The following DYNC1I1 variants were observed in gnomAD, a reference collection of about 807,000 sequenced individuals.
The protein encoded by DYNC1I1 is dynein cytoplasmic 1 intermediate chain 1, also known as cytoplasmic dynein 1 intermediate chain 1.
In DYNC1I1, 43 loss-of-function variants were observed where a neutral mutation model predicts 86.6. The observed-to-expected ratio is 0.50, with a 90% CI of 0.39 to 0.64. DYNC1I1 has a LOEUF of 0.64. Among genes scored for constraint, DYNC1I1 ranks in the 30% least tolerant of loss-of-function variants. The pLI is 0.00. For missense variants in DYNC1I1, 604 were observed against 788.8 expected, an observed-to-expected ratio of 0.77 and a Z score of 2.81; for synonymous variants, 262 against 283.7, an observed-to-expected ratio of 0.92 and a Z score of 0.77.
At chr7:96,058,634 T>G (rs993193030) in intron 14 of DYNC1I1, among the ~76,000 whole-genome samples, 7 of 151,952 alleles carry the variant, frequency 4.6e-5, no homozygotes, top group Admixed American at 6.6e-5. Context: ...GAAACAAATA[T>G]AGTTAATTAT....
chr7:95,917,244 C>A (rs530599933), intron 6 of DYNC1I1, among the ~76,000 whole-genome samples: 4 of 152,078 alleles, frequency 2.6e-5, no homozygotes, highest in Non-Finnish European at 5.9e-5. Flanking sequence ...TCCGTGGCTT[C>A]GGTAGCGAGA....
At chr7:96,077,081 A>C (rs1394262426) in intron 15 of DYNC1I1, among the ~76,000 whole-genome samples, 1 of 152,178 alleles carries the variant, frequency 6.6e-6, no homozygotes, top group Non-Finnish European at 1.5e-5. Context: ...TCTATAAATA[A>C]GAATGGACAG....
intron 10 of DYNC1I1, among the ~76,000 whole-genome samples, chr7:96,000,670 T>C (rs1347488941): frequency 6.6e-6 from 1 of 152,206 alleles, no homozygotes; most frequent in Non-Finnish European, 1.5e-5. Context: ...TCATTTTGCT[T>C]TGCCCAGGAA....
At chr7:95,901,553 C>T (rs1222996936) in intron 6 of DYNC1I1, among the ~76,000 whole-genome samples, 2 of 152,192 alleles carry the variant, frequency 1.3e-5, no homozygotes, top group African/African-American at 4.8e-5. Flanking sequence ...ACTTATCCCC[C>T]TCCTCTCCAA....
At chr7:95,993,775 A>C (rs956858665) in intron 9 of DYNC1I1, among the ~76,000 whole-genome samples, 32 of 152,204 alleles carry the variant, frequency 2.1e-4, no homozygotes, top group Non-Finnish European at 7.3e-5. Flanking sequence ...TATTTTTAAT[A>C]GAAAAAAAAG....
At chr7:96,025,824 A>C (rs1460681741) in intron 10 of DYNC1I1, among the ~76,000 whole-genome samples, 1 of 139,164 alleles carries the variant, frequency 7.2e-6, no homozygotes, top group African/African-American at 2.8e-5. Context: ...TAGTCTCAAC[A>C]AACAGTACAA....
intron 15 of DYNC1I1, among the ~76,000 whole-genome samples, chr7:96,079,246 T>C (rs184308034): frequency 6.6e-6 from 1 of 152,294 alleles, no homozygotes; most frequent in East Asian, 1.9e-4. Context: ...ACAGTACATG[T>C]TGTGTTTCCA....
chr7:95,826,379 A>C (rs1465272395), intron 4 of DYNC1I1, among the ~76,000 whole-genome samples: 1 of 152,216 alleles, frequency 6.6e-6, no homozygotes, highest in Non-Finnish European at 1.5e-5. Flanking sequence ...AGAAACATTA[A>C]GAGTAGATAG....
intron 6 of DYNC1I1, among the ~76,000 whole-genome samples, chr7:95,881,571 T>C (rs908554182): frequency 2.0e-5 from 3 of 152,234 alleles, no homozygotes; most frequent in African/African-American, 7.2e-5. Flanking sequence ...AAATGATCTC[T>C]TTCAATAGCT....
chr7:95,869,816 T>C lies in DYNC1I1; in HGVS notation c.375-67T>C. The C allele has an allele frequency of 2.1e-6, 3 of 1,454,560 alleles. No individual in the cohort carries two copies. The South Asian group carries it at 3.6e-5, about 18-fold the overall frequency. 90.1% of individuals were successfully genotyped at this position (1,454,560 alleles called of 1,614,324 possible). On this transcript the variant is annotated intron_variant, in intron 5 of 16. Transcript: ENST00000447467. ...GTTTGTTTGTTTTAGTGCTTTCTTT[T>C]ATTACTGATAGCTCTTCTGCAAGGA...
At chr7:95,898,135 C>T (rs890812480) in intron 6 of DYNC1I1, among the ~76,000 whole-genome samples, 1 of 150,616 alleles carries the variant, frequency 6.6e-6, no homozygotes, top group South Asian at 2.1e-4. Flanking sequence ...TAGATGGCCA[C>T]GCACGGCACA....
intron 6 of DYNC1I1, among the ~76,000 whole-genome samples, chr7:95,951,456 A>T (rs994420690): frequency 6.6e-6 from 1 of 152,076 alleles, no homozygotes; most frequent in African/African-American, 2.4e-5. Flanking sequence ...TAGCTTTTGA[A>T]TGTTTTTTGG....
rs80053734 is a variant in DYNC1I1, at chr7:96,013,245, G to A, written c.970-14930G>A. On this transcript the variant is annotated intron_variant, in intron 10 of 16. Transcript: ENST00000447467. ...AGAGAGACTTGACCAACCCTTGCTGGCTTTGAGGGTGAAAGGTGGCATGAT... is the reference window on the plus strand; with the variant it reads ...AGAGAGACTTGACCAACCCTTGCTGACTTTGAGGGTGAAAGGTGGCATGAT... Among the ~76,000 whole-genome samples the A allele has an allele frequency of 3.8e-4, 58 of 152,228 alleles. No individual in the cohort carries two copies. In the East Asian group the frequency reaches 0.011, roughly 28 times the overall value.
At chr7:95,811,410 A>G (rs1199846676) in intron 3 of DYNC1I1, among the ~76,000 whole-genome samples, 1 of 152,058 alleles carries the variant, frequency 6.6e-6, no homozygotes, top group East Asian at 1.9e-4. Context: ...TCCATAATTT[A>G]CTTTTATATT....
chr7:95,795,105 A>G (rs1794402732), intron 1 of DYNC1I1, among the ~76,000 whole-genome samples: 1 of 152,224 alleles, frequency 6.6e-6, no homozygotes. Flanking sequence ...TGCAATTTAC[A>G]TGTGATGCCA....
chr7:95,873,561 T>C (rs1029853160), intron 6 of DYNC1I1, among the ~76,000 whole-genome samples: 1 of 152,224 alleles, frequency 6.6e-6, no homozygotes, highest in Non-Finnish European at 1.5e-5. Flanking sequence ...CGAGTACTTA[T>C]GTTTTCAAAG....
At chr7:96,051,836 G>T (rs1363938100) in intron 14 of DYNC1I1, among the ~76,000 whole-genome samples, 1 of 152,164 alleles carries the variant, frequency 6.6e-6, no homozygotes, top group African/African-American at 2.4e-5. Flanking sequence ...ATGAATAAAA[G>T]AGACAAGAAA....
At chr7:96,079,396 T>G (rs1236597446) in intron 15 of DYNC1I1, among the ~76,000 whole-genome samples, 2 of 152,156 alleles carry the variant, frequency 1.3e-5, no homozygotes, top group Non-Finnish European at 2.9e-5. Context: ...TCATTTCCTA[T>G]TCAACATTCT....
At chr7:95,985,961 T>A (rs1357381001) in intron 8 of DYNC1I1, among the ~76,000 whole-genome samples, 1 of 151,910 alleles carries the variant, frequency 6.6e-6, no homozygotes, top group East Asian at 1.9e-4. Flanking sequence ...ACTTTCTTGA[T>A]TTTGTTGGTC....
Sources: allele counts gnomAD v4.1 joint callset (sites outside exome capture counted in the v4.1 genomes callset), GRCh38; gene constraint gnomAD v4.1.1; transcripts MANE v1.5; gene names NCBI Gene and HGNC (gene_info 2026-07-23, HGNC 2026-07-21).